Variants in RBMS3 observed in about 807,000 individuals in gnomAD.
RBMS3 encodes RNA binding motif single stranded interacting protein 3.
Under a neutral mutation model 66.8 loss-of-function variants are expected in RBMS3, and 27 were observed. The observed-to-expected ratio is 0.40, with a 90% CI of 0.30 to 0.56. RBMS3 has a LOEUF of 0.56. Ranked by LOEUF, RBMS3 falls within the 20% of genes least tolerant of loss-of-function variation. RBMS3 has a pLI of 0.40. For synonymous variants in RBMS3, 188 were observed against 183.0 expected (o/e 1.03, Z -0.22); for missense variants, 513 against 549.5 (o/e 0.93, Z 0.66).
intron 2 of RBMS3, among the ~76,000 whole-genome samples, chr3:29,441,083 C>T (rs145582186): frequency 1.3e-5 from 2 of 152,290 alleles, no homozygotes; most frequent in African/African-American, 4.8e-5. Context: ...GCAAGTCAGA[C>T]TCAAATTACG....
At chr3:29,897,185 A>G (rs757087008) in intron 8 of RBMS3, among the ~76,000 whole-genome samples, 194 bp from the exon 9 acceptor site, 3 of 151,594 alleles carry the variant, frequency 2.0e-5, no homozygotes, top group Non-Finnish European at 4.4e-5. Flanking sequence ...GATGACTCCA[A>G]GTCATTTCAT....
chr3:29,815,764 T>G (rs1485381547), intron 6 of RBMS3, among the ~76,000 whole-genome samples: 2 of 151,856 alleles, frequency 1.3e-5, no homozygotes, highest in African/African-American at 4.8e-5. Context: ...AATGATATAA[T>G]GGACTTCGAG....
In RBMS3 at chr3:29,928,209, T is replaced by TACACACAC. The variant is rs1390644340; in HGVS notation, c.940-7876_940-7875insCACACACA. ...ATATATATATATATATATATATATATATACACACACACACACACACACACA... is the reference window on the plus strand; with the variant it reads ...ATATATATATATATATATATATATATACACACACATACACACACACACACACACACACA... On this transcript the variant is annotated intron_variant, in intron 10 of 14. Transcript: ENST00000383767. 3.7e-3 allele frequency among the ~76,000 whole-genome samples: 383 copies of TACACACAC among 102,870 alleles called. 3 individuals are homozygous for TACACACAC. Among genetic ancestry groups the TACACACAC allele is most frequent in the African/African-American group, 0.014 (362 of 26,438 alleles). The allele number at this position is 102,870 out of a possible 152,430, so 67.5% of individuals were successfully genotyped here. A position where few individuals can be genotyped will look rare whatever the true frequency, so the allele number is the denominator to read the frequency against.
intron 2 of RBMS3, among the ~76,000 whole-genome samples, chr3:29,485,160 A>G (rs938443884): frequency 2.0e-5 from 3 of 152,216 alleles, no homozygotes; most frequent in Non-Finnish European, 4.4e-5. Flanking sequence ...AATCAAGTGT[A>G]TCAACAAATA....
chr3:29,981,867 G>T (rs1698018620), intron 12 of RBMS3, among the ~76,000 whole-genome samples: 1 of 152,140 alleles, frequency 6.6e-6, no homozygotes. Context: ...ATGTTCATCA[G>T]GGATATTGGC....
chr3:29,501,351 T>C (rs1286282705), intron 3 of RBMS3, among the ~76,000 whole-genome samples: 1 of 152,194 alleles, frequency 6.6e-6, no homozygotes, highest in Non-Finnish European at 1.5e-5. Flanking sequence ...GTTACTAGTT[T>C]AGAGCCAACC....
chr3:29,380,279 C>T (rs1205773695), intron 1 of RBMS3, among the ~76,000 whole-genome samples: 2 of 151,530 alleles, frequency 1.3e-5, no homozygotes, highest in Non-Finnish European at 2.9e-5. Flanking sequence ...AAGTACAGGA[C>T]ATTTCTTAAA....
intron 12 of RBMS3, among the ~76,000 whole-genome samples, chr3:29,975,082 TA>T (rs1697488257): frequency 7.2e-6 from 1 of 139,818 alleles, no homozygotes; most frequent in Non-Finnish European, 1.5e-5. Context: ...ATTTTATATA[TA>T]AAATACATTT....
At chr3:29,507,770 C>G (rs1476603175) in intron 3 of RBMS3, among the ~76,000 whole-genome samples, 1 of 151,834 alleles carries the variant, frequency 6.6e-6, no homozygotes, top group Non-Finnish European at 1.5e-5. Flanking sequence ...ATGATCTGAC[C>G]ACAATTCTCT....
rs1226494452 is a variant in RBMS3, at chr3:29,891,219, T to A, written c.792-6160T>A. On this transcript the variant is annotated intron_variant, in intron 8 of 14. Coordinates refer to ENST00000383767, the MANE Select transcript of RBMS3 (RefSeq NM_001003793.3). Reference sequence around the variant, plus strand: ...TAAAGGCCCCCGAAGTTAGCTTGATTGTTAGCTAAGGAAGAACAAACAGTT... The same window carrying A: ...TAAAGGCCCCCGAAGTTAGCTTGATAGTTAGCTAAGGAAGAACAAACAGTT... 2.6e-5 allele frequency among the ~76,000 whole-genome samples: 4 copies of A among 151,654 alleles called. No homozygotes were observed. The South Asian group carries it at 8.3e-4, about 31-fold the overall frequency.
chr3:29,374,807 C>T (rs1316828334), intron 1 of RBMS3, among the ~76,000 whole-genome samples: 3 of 152,174 alleles, frequency 2.0e-5, no homozygotes, highest in South Asian at 2.1e-4. Context: ...AAACTCATCA[C>T]GTCATAATAA....
rs145303360 is a variant in RBMS3 at position 29,674,205 on chromosome 3, C to G, written c.400-65515C>G. Among the ~76,000 whole-genome samples, 4 of 152,030 alleles carry G rather than the reference C, an allele frequency of 2.6e-5. No individual in the cohort carries two copies. The South Asian group carries it at 6.2e-4, about 24-fold the overall frequency. The stretch of plus-strand genomic sequence containing the variant: ...AAGGCCTTTGACAAAATTCAACAGC[C>G]CTTCATGCTAAAAACTCTCAGTAAA... On this transcript the variant is annotated intron_variant, in intron 4 of 14. Coordinates refer to ENST00000383767, the MANE Select transcript of RBMS3 (RefSeq NM_001003793.3).
chr3:29,613,704 AAAG>A (rs2048566838), intron 4 of RBMS3, among the ~76,000 whole-genome samples: 1 of 152,172 alleles, frequency 6.6e-6, no homozygotes, highest in Non-Finnish European at 1.5e-5. Flanking sequence ...GCATTTCTCA[AAAG>A]AAGACACATA....
intron 1 of RBMS3, among the ~76,000 whole-genome samples, chr3:29,291,966 C>A (rs1264772415): frequency 6.6e-6 from 1 of 151,682 alleles, no homozygotes; most frequent in African/African-American, 2.4e-5. Context: ...CTAGACATAG[C>A]CATCTTCTCC....
intron 1 of RBMS3, among the ~76,000 whole-genome samples, chr3:29,314,653 A>G (rs1434007390): frequency 6.6e-6 from 1 of 151,628 alleles, no homozygotes; most frequent in Non-Finnish European, 1.5e-5. Flanking sequence ...GGTGGAGGGA[A>G]CCAGATATGG....
intron 1 of RBMS3, among the ~76,000 whole-genome samples, chr3:29,374,984 A>C (rs1476028787): frequency 1.3e-5 from 2 of 152,198 alleles, no homozygotes; most frequent in Admixed American, 6.5e-5. Context: ...AGTAACCAAA[A>C]CAGCATGGTA....
intron 4 of RBMS3, among the ~76,000 whole-genome samples, chr3:29,693,153 A>G (rs530716130): frequency 6.6e-6 from 1 of 152,312 alleles, no homozygotes; most frequent in African/African-American, 2.4e-5. Flanking sequence ...TGATAGAAAT[A>G]CAACACTCTT....
At chr3:29,667,659 G>A (rs1049564902) in intron 4 of RBMS3, among the ~76,000 whole-genome samples, 2 of 152,078 alleles carry the variant, frequency 1.3e-5, no homozygotes, top group African/African-American at 4.8e-5. Context: ...GATTCTGAAG[G>A]AAAGTCTTCT....
chr3:29,455,160 T>C (rs891121791), intron 2 of RBMS3, among the ~76,000 whole-genome samples: 2 of 152,202 alleles, frequency 1.3e-5, no homozygotes, highest in Admixed American at 1.3e-4. Context: ...ACAACATACA[T>C]GTATGTTCCC....
Sources: allele counts gnomAD v4.1 joint callset (sites outside exome capture counted in the v4.1 genomes callset), GRCh38; gene constraint gnomAD v4.1.1; transcripts MANE v1.5; gene names NCBI Gene and HGNC (gene_info 2026-07-23, HGNC 2026-07-21).